Variants in ANKS1B observed in about 807,000 individuals in gnomAD.
The protein encoded by ANKS1B is ankyrin repeat and sterile alpha motif domain-containing protein 1B.
In ANKS1B, 36 loss-of-function variants were observed where a neutral mutation model predicts 148.3. That is an observed-to-expected ratio of 0.24 (90% CI 0.19 to 0.32). The LOEUF (loss-of-function observed/expected upper bound fraction) is 0.32, where lower values mean the gene tolerates loss of function less well. ANKS1B is among the 10% of genes least tolerant of loss of function. The pLI is 1.00. For synonymous variants in ANKS1B, 542 were observed against 560.8 expected, an observed-to-expected ratio of 0.97 and a Z score of 0.47; for missense variants, 1,157 against 1,542.6, an observed-to-expected ratio of 0.75 and a Z score of 4.19.
At chr12:99,042,959 G>A (rs963784009) in intron 17 of ANKS1B, among the ~76,000 whole-genome samples, 2 of 152,110 alleles carry the variant, frequency 1.3e-5, no homozygotes, top group African/African-American at 2.4e-5. Flanking sequence ...CACCTAATTA[G>A]GAGAAGACCT....
chr12:99,337,909 G>A (rs989970561), intron 12 of ANKS1B, among the ~76,000 whole-genome samples: 1 of 152,184 alleles, frequency 6.6e-6, no homozygotes, highest in Non-Finnish European at 1.5e-5. Context: ...TGGAGATAGG[G>A]AAGCACTCCC....
intron 14 of ANKS1B, among the ~76,000 whole-genome samples, chr12:99,167,450 T>C (rs998469587): frequency 1.3e-5 from 2 of 152,050 alleles, no homozygotes; most frequent in African/African-American, 2.4e-5. Context: ...AGAAGGTATA[T>C]GGAAGGGAAA....
intron 1 of ANKS1B, among the ~76,000 whole-genome samples, chr12:99,968,555 C>CTCAA (rs57273287): frequency 0.012 from 1,843 of 151,456 alleles, 12 homozygotes; most frequent in African/African-American, 0.017. Context: ...GAGCCTCTGT[C>CTCAA]TCAATCAATC....
chr12:99,031,131 C>T (rs536035703), intron 17 of ANKS1B, among the ~76,000 whole-genome samples: 20 of 152,306 alleles, frequency 1.3e-4, no homozygotes, highest in Non-Finnish European at 2.8e-4. Context: ...ATAATCTCTA[C>T]ATGGATACAC....
intron 12 of ANKS1B, among the ~76,000 whole-genome samples, chr12:99,304,101 A>G (rs551329041): frequency 1.3e-4 from 20 of 152,134 alleles, no homozygotes; most frequent in South Asian, 8.3e-4. Flanking sequence ...TTTTCATATA[A>G]TGACTTCTTT....
chr12:98,870,862 C>G (rs182319740), intron 17 of ANKS1B, among the ~76,000 whole-genome samples: 24 of 152,242 alleles, frequency 1.6e-4, no homozygotes, highest in Non-Finnish European at 1.5e-4. Context: ...TGCCTTTGCC[C>G]GACAGTAACA....
At chr12:99,049,513 T>C (rs2099964608) in intron 17 of ANKS1B, among the ~76,000 whole-genome samples, 1 of 152,158 alleles carries the variant, frequency 6.6e-6, no homozygotes, top group Non-Finnish European at 1.5e-5. Flanking sequence ...AAGTTACATT[T>C]CTCAAGAATT....
intron 8 of ANKS1B, among the ~76,000 whole-genome samples, chr12:99,758,182 T>C (rs753796651): frequency 1.3e-5 from 2 of 151,878 alleles, no homozygotes; most frequent in Non-Finnish European, 2.9e-5. Flanking sequence ...CAGTATAATA[T>C]AGGTGTGGGT....
intron 9 of ANKS1B, among the ~76,000 whole-genome samples, chr12:99,524,703 A>T (rs2096909335): frequency 6.6e-6 from 1 of 152,236 alleles, no homozygotes. Flanking sequence ...CAATCATGGC[A>T]GAAGAGCAAG....
chr12:99,062,855 T>C lies in ANKS1B; in HGVS notation c.2626-9546A>G, dbSNP rs182517276. On this transcript the variant is annotated intron_variant, in intron 16 of 26. Coordinates refer to ENST00000683438, the MANE Select transcript of ANKS1B (RefSeq NM_001352186.2). ...GGGCTTGCCTTTTGCTTTGACACTT[T>C]GCCCTCCTTTCTTGAAATTACGGAT... is the stretch of plus-strand genomic sequence containing the variant. 1.8e-3 allele frequency among the ~76,000 whole-genome samples: 272 copies of C among 152,274 alleles called. 1 individual carries two copies. Among genetic ancestry groups the C allele is most frequent in the African/African-American group, 6.4e-3 (266 of 41,558 alleles).
At chr12:99,902,917 A>ATTGTTGTTGTTGTTGTTGTTGTTGTTG (rs3054225) in intron 1 of ANKS1B, among the ~76,000 whole-genome samples, 1 of 150,098 alleles carries the variant, frequency 6.7e-6, no homozygotes, top group African/African-American at 2.5e-5. Context: ...CGCCCGGCTA[A>ATTGTTGTTGTTGTTGTTGTTGTTGTTG]TTGTTGTTGT....
chr12:98,850,459 A>ATTTTTTTTTTTT (rs59294440), intron 17 of ANKS1B, among the ~76,000 whole-genome samples: 7 of 70,486 alleles, frequency 9.9e-5, no homozygotes, highest in Non-Finnish European at 1.2e-4. Context: ...GAAGCATTGC[A>ATTTTTTTTTTTT]TTTTTTTTTT....
At chr12:99,730,589 C>G (rs2153566881) in intron 8 of ANKS1B, among the ~76,000 whole-genome samples, 1 of 152,234 alleles carries the variant, frequency 6.6e-6, no homozygotes, top group South Asian at 2.1e-4. Context: ...GAAGAGAACT[C>G]TACTTCAGAA....
At chr12:99,604,553 G>A (rs1345253537) in intron 9 of ANKS1B, among the ~76,000 whole-genome samples, 1 of 151,882 alleles carries the variant, frequency 6.6e-6, no homozygotes, top group Non-Finnish European at 1.5e-5. Context: ...AGTGCCTAAC[G>A]CCTGTAATGC....
chr12:99,273,405 A>G (rs1363010590), intron 12 of ANKS1B, among the ~76,000 whole-genome samples: 1 of 152,066 alleles, frequency 6.6e-6, no homozygotes, highest in Non-Finnish European at 1.5e-5. Context: ...ATATCCACAA[A>G]TCTTTCTGAC....
At chr12:98,933,507 T>C (rs1293202944) in intron 17 of ANKS1B, among the ~76,000 whole-genome samples, 1 of 152,146 alleles carries the variant, frequency 6.6e-6, no homozygotes, top group Non-Finnish European at 1.5e-5. Context: ...TGGTGGGGGA[T>C]ACATACCCAG....
intron 9 of ANKS1B, among the ~76,000 whole-genome samples, chr12:99,628,968 CTAATT>C (rs1339638266): frequency 6.6e-6 from 1 of 152,112 alleles, no homozygotes; most frequent in Non-Finnish European, 1.5e-5. Context: ...TATTAGGATT[CTAATT>C]TATTTATTTT....
intron 12 of ANKS1B, among the ~76,000 whole-genome samples, chr12:99,264,974 T>G (rs2076296041): frequency 6.6e-6 from 1 of 152,126 alleles, no homozygotes; most frequent in Non-Finnish European, 1.5e-5. Context: ...CAGTAGAATT[T>G]TCTATGATGA....
At position 99,806,655 on chromosome 12, in the gene ANKS1B, G is replaced by A. The variant is rs2096328472; in HGVS notation, c.418C>T (p.His140Tyr). 3.7e-6 allele frequency: 6 copies of A among 1,613,934 alleles called. No individual in the cohort carries two copies. Among genetic ancestry groups the A allele is most frequent in the Non-Finnish European group, 4.2e-6 (5 of 1,179,850 alleles). Residue 140 changes from histidine (H) to tyrosine (Y), a missense_variant, in exon 4 of 27, where the codon CAC (histidine) becomes TAC (tyrosine). By Grantham distance (83) the His-to-Tyr change is moderately conservative. Transcript: ENST00000683438. ...TALHCAAQYG[H>Y]SEVVAVLLEE... ...AGGAGAACAGCAACTACTTCTGAGTGTCCATATTGAGCTGCACAGTGTAGG... is the reference window on the plus strand; with the variant it reads ...AGGAGAACAGCAACTACTTCTGAGTATCCATATTGAGCTGCACAGTGTAGG...
Sources: gnomAD v4.1 joint callset for allele counts (sites outside exome capture counted in the v4.1 genomes callset) on GRCh38, gnomAD v4.1.1 for gene constraint, MANE v1.5 for transcripts, NCBI Gene and HGNC (gene_info 2026-07-23, HGNC 2026-07-21) for gene names.